Variants in ZNF462 observed in about 807,000 individuals in gnomAD.
ZNF462 encodes the protein zinc finger protein 462.
In ZNF462, 10 loss-of-function variants were observed where a neutral mutation model predicts 201.9. The ratio of observed to expected loss-of-function variants is 0.05; its 90% confidence interval spans 0.03 to 0.08. The LOEUF (loss-of-function observed/expected upper bound fraction) is 0.08. Ranked by LOEUF, ZNF462 falls within the 10% of genes least tolerant of loss-of-function variation. ZNF462 has a pLI of 1.00. For missense variants in ZNF462, 2,523 were observed against 3,168.3 expected (o/e 0.80, Z 4.89); for synonymous variants, 1,227 against 1,193.3 (o/e 1.03, Z -0.58).
intron 11 of ZNF462, among the ~76,000 whole-genome samples, chr9:107,004,417 C>T (rs1829406394): frequency 6.6e-6 from 1 of 152,044 alleles, no homozygotes; most frequent in South Asian, 2.1e-4. Context: ...GTTTCCAGTT[C>T]TGCTACTTAC....
chr9:106,948,561 C>T (rs960428548), intron 7 of ZNF462, among the ~76,000 whole-genome samples: 4 of 152,116 alleles, frequency 2.6e-5, no homozygotes, highest in Admixed American at 2.6e-4. Flanking sequence ...ACCCATCATG[C>T]CAGCCTCTCC....
intron 1 of ZNF462, among the ~76,000 whole-genome samples, chr9:106,893,233 T>G (rs948541475): frequency 1.3e-5 from 2 of 152,208 alleles, no homozygotes; most frequent in African/African-American, 4.8e-5. Context: ...GCTGGTTGAT[T>G]GCCAGGACAG....
rs548441382 is a variant in ZNF462, at chr9:106,938,390, G to A, written c.6236-526G>A. On this transcript the variant is annotated intron_variant, in intron 6 of 12. Coordinates refer to ENST00000277225, the MANE Select transcript of ZNF462 (RefSeq NM_021224.6). This position sits in a 1 kb window ranked among gnomAD's most constrained non-coding sequence, Gnocchi z 4.4. Reference sequence around the variant, plus strand: ...ACTGGTCCAAAAATATATATATGTGGGATGAGAATGTGTATAGTTAGCAAG... The same window carrying A: ...ACTGGTCCAAAAATATATATATGTGAGATGAGAATGTGTATAGTTAGCAAG... 4.3e-4 allele frequency among the ~76,000 whole-genome samples: 66 copies of A among 152,228 alleles called. 1 individual carries two copies. The South Asian group carries it at 0.013, about 31-fold the overall frequency.
chr9:106,963,032 T>C lies in ZNF462; in HGVS notation c.6428-8973T>C, dbSNP rs558334942. Among the ~76,000 whole-genome samples, 64 of 152,092 alleles carry C rather than the reference T, an allele frequency of 4.2e-4. No individual in the cohort carries two copies. The highest frequency in any genetic ancestry group is 9.1e-4 in the Non-Finnish European group (62 of 67,994). Reference sequence around the variant, plus strand: ...CACTATGGAATGGAAATGGTTTGTATTCTAAAGCTTAGTTTCGAATATAAT... The same window carrying C: ...CACTATGGAATGGAAATGGTTTGTACTCTAAAGCTTAGTTTCGAATATAAT... On this transcript the variant is annotated intron_variant, in intron 7 of 12. Transcript: ENST00000277225. This position sits in a 1 kb window ranked among gnomAD's most constrained non-coding sequence, Gnocchi z 4.7.
At chr9:106,939,489 G>A (rs1830775489) in intron 7 of ZNF462, among the ~76,000 whole-genome samples, 1 of 152,330 alleles carries the variant, frequency 6.6e-6, no homozygotes, top group South Asian at 2.1e-4. Flanking sequence ...GCTGCGAAAT[G>A]TTTGGGGAGA....
intron 10 of ZNF462, among the ~76,000 whole-genome samples, chr9:107,000,225 G>C (rs1167450420): frequency 6.6e-6 from 1 of 151,968 alleles, no homozygotes; most frequent in South Asian, 2.1e-4. Flanking sequence ...GCAAGGGGGA[G>C]CCTAGAGAAG....
rs1212467119 is a variant in ZNF462 at position 106,962,391 on chromosome 9, G to C, written c.6428-9614G>C. On this transcript the variant is annotated intron_variant, in intron 7 of 12. Transcript: ENST00000277225. This position sits in a 1 kb window ranked among gnomAD's most constrained non-coding sequence, Gnocchi z 4.6. ...ATGTCATTGACAAAAAATATAGAAAGACAAATGAATATGTTCCCAAGTATA... is the reference window on the plus strand; with the variant it reads ...ATGTCATTGACAAAAAATATAGAAACACAAATGAATATGTTCCCAAGTATA... Among the ~76,000 whole-genome samples the C allele has an allele frequency of 6.6e-6, 1 of 151,936 alleles. No homozygotes were observed. The highest frequency in any genetic ancestry group is 1.9e-4 in the East Asian group (1 of 5,184).
At chr9:106,879,484 A>G (rs750039364) in intron 1 of ZNF462, among the ~76,000 whole-genome samples, 2 of 152,098 alleles carry the variant, frequency 1.3e-5, no homozygotes, top group Non-Finnish European at 2.9e-5. Flanking sequence ...AGTAAACCAC[A>G]TTCCACACAC....
chr9:106,898,582 T>C (rs1828915579), intron 1 of ZNF462, among the ~76,000 whole-genome samples: 1 of 152,120 alleles, frequency 6.6e-6, no homozygotes, highest in Non-Finnish European at 1.5e-5. Flanking sequence ...ACAATAATTA[T>C]CAGGCTTCAA....
Position 106,924,791 on chromosome 9 carries a change from C to T in ZNF462, c.879C>T (p.Ala293=). Residue 293 remains alanine, a synonymous_variant, in exon 3 of 13, where the codon GCC becomes GCT. Coordinates refer to ENST00000277225, the MANE Select transcript of ZNF462 (RefSeq NM_021224.6). This position sits in a 1 kb window ranked among gnomAD's most constrained non-coding sequence, Gnocchi z 6.2. ...TACCTGATGTGCCGAACAAGAGTGC[C>T]CCCAGCCCCACTTCCAACTCCACCT... The part of the protein sequence containing the change: ...TNLPDVPNKS[A]PSPTSNSTYL... 6.2e-7 allele frequency: 1 copy of T among 1,614,128 alleles called. No homozygotes were observed. Among genetic ancestry groups the T allele is most frequent in the East Asian group, 2.2e-5 (1 of 44,874 alleles).
chr9:106,924,878 C>T lies in ZNF462; in HGVS notation c.966C>T (p.Gly322=), dbSNP rs780876087. ...ATACTACCGTCTCCAACTTCAGGGG[C>T]TCCATGGGCAACTCCATCATGAGAC... ...IPNTTVSNFR[G]SMGNSIMRPN... is the part of the protein sequence containing the mutation. The change falls in exon 3 of 13, where the codon GGC becomes GGT. Residue 322 remains glycine, a synonymous_variant. Coordinates refer to ENST00000277225, the MANE Select transcript of ZNF462 (RefSeq NM_021224.6). The surrounding 1 kb of genome is among the most constrained non-coding windows in gnomAD (Gnocchi z 6.2). The T allele has an allele frequency of 3.1e-6, 5 of 1,614,216 alleles. No individual in the cohort carries two copies. In the East Asian group the frequency reaches 1.1e-4, roughly 36 times the overall value.
intron 7 of ZNF462, among the ~76,000 whole-genome samples, chr9:106,951,276 G>A (rs1426288042): frequency 6.6e-6 from 1 of 151,932 alleles, no homozygotes; most frequent in African/African-American, 2.4e-5. Flanking sequence ...GATTTTTTGG[G>A]GTATTTTCTA....
rs1827083013 is a variant in ZNF462, at chr9:106,977,303, G to T, written c.6832+3030G>T. On this transcript the variant is annotated intron_variant, in intron 9 of 12. Transcript: ENST00000277225. The surrounding 1 kb of genome is among the most constrained non-coding windows in gnomAD (Gnocchi z 4.6). ...TTCCTGCTCTATCCATGACATCCTTGGTCTCTCAGGTCCACAGTACAAGAT... is the reference window on the plus strand; with the variant it reads ...TTCCTGCTCTATCCATGACATCCTTTGTCTCTCAGGTCCACAGTACAAGAT... 1.4e-5 allele frequency among the ~76,000 whole-genome samples: 2 copies of T among 147,390 alleles called. No individual in the cohort carries two copies. Among genetic ancestry groups the T allele is most frequent in the African/African-American group, 5.4e-5 (2 of 36,998 alleles).
In ZNF462 at chr9:106,930,829, T is replaced by G. The variant is rs940262312; in HGVS notation, c.6012+140T>G. The G allele has an allele frequency of 9.4e-7, 1 of 1,060,718 alleles. No homozygotes were observed. The highest frequency in any genetic ancestry group is 1.6e-5 in the African/African-American group (1 of 62,812). The allele number at this position is 1,060,718 out of a possible 1,614,324, so 65.7% of individuals were successfully genotyped here. A position where few individuals can be genotyped will look rare whatever the true frequency, so the allele number is the denominator to read the frequency against. On this transcript the variant is annotated intron_variant, in intron 4 of 12. Transcript: ENST00000277225. This position sits in a 1 kb window ranked among gnomAD's most constrained non-coding sequence, Gnocchi z 5.8. ...TTATGCTTGGATTGGTTTGGCTTGTTTTGATTTCTTTGCAGGTTGGACCTT... is the reference window on the plus strand; with the variant it reads ...TTATGCTTGGATTGGTTTGGCTTGTGTTGATTTCTTTGCAGGTTGGACCTT...
At chr9:107,004,322 A>C (rs1369443232) in intron 11 of ZNF462, among the ~76,000 whole-genome samples, 1 of 152,206 alleles carries the variant, frequency 6.6e-6, no homozygotes, top group Non-Finnish European at 1.5e-5. Flanking sequence ...ATTATGTGCT[A>C]GCCTCAGTGC....
At chr9:106,956,400 G>A (rs956279053) in intron 7 of ZNF462, among the ~76,000 whole-genome samples, 1 of 152,148 alleles carries the variant, frequency 6.6e-6, no homozygotes, top group African/African-American at 2.4e-5. Context: ...AAACCATGCT[G>A]TAAACAGATG....
chr9:106,891,722 G>T lies in ZNF462; in HGVS notation c.-31+28367G>T, dbSNP rs756587627. On this transcript the variant is annotated intron_variant, in intron 1 of 12. Coordinates refer to ENST00000277225, the MANE Select transcript of ZNF462 (RefSeq NM_021224.6). ...CACCCTTGATTATAGAAAAGGTGACGTTTCTTGATATTTATCTGAAGTAGC... is the reference window on the plus strand; with the variant it reads ...CACCCTTGATTATAGAAAAGGTGACTTTTCTTGATATTTATCTGAAGTAGC... 8.8e-4 allele frequency among the ~76,000 whole-genome samples: 134 copies of T among 152,094 alleles called. 1 individual carries two copies. Among genetic ancestry groups the T allele is most frequent in the African/African-American group, 3.1e-3 (130 of 41,406 alleles).
In ZNF462 at chr9:107,012,734, T is replaced by TTTTGG. The variant is rs1829994306; in HGVS notation, c.*1704_*1705insTTTGG. 1 of 75,304 alleles carries TTTTGG rather than the reference T, an allele frequency of 1.3e-5. No homozygotes were observed. Among genetic ancestry groups the TTTTGG allele is most frequent in the Non-Finnish European group, 2.6e-5 (1 of 38,642 alleles). The allele number at this position is 75,304 out of a possible 1,614,324, so 4.7% of individuals were successfully genotyped here. On this transcript the variant is annotated 3_prime_UTR_variant, in exon 13 of 13. Transcript: ENST00000277225. ...ATGTTTTTTTTTTTTTTTTTTTACT[T>TTTTGG]GGAAGGGTTGTGGGAGGGTGGGAGG... is the stretch of plus-strand genomic sequence containing the variant.
In ZNF462 at chr9:106,925,877, G is replaced by T. The variant is rs374261637; in HGVS notation, c.1965G>T (p.Val655=). The T allele has an allele frequency of 1.1e-5, 17 of 1,614,192 alleles. No individual in the cohort carries two copies. Among genetic ancestry groups the T allele is most frequent in the Non-Finnish European group, 1.4e-5 (17 of 1,180,046 alleles). Residue 655 remains valine (V), a synonymous_variant, in exon 3 of 13, where the codon GTG becomes GTT. Transcript: ENST00000277225. This position sits in a 1 kb window ranked among gnomAD's most constrained non-coding sequence, Gnocchi z 7.9. The stretch of plus-strand genomic sequence containing the variant: ...GCCACCCCTCTTCCAGCAACACTGT[G>T]AAGAAAAGTCAGACCTCAATTCTTG... The part of the protein sequence containing the change: ...TDSHPSSSNT[V]KKSQTSILGL...
Sources: gnomAD v4.1 joint callset for allele counts (sites outside exome capture counted in the v4.1 genomes callset) on GRCh38, gnomAD v4.1.1 for gene constraint, Gnocchi (gnomAD v3.1) non-coding constraint, MANE v1.5 for transcripts, NCBI Gene and HGNC (gene_info 2026-07-23, HGNC 2026-07-21) for gene names.